DCUN1D5: variants seen among roughly 807,000 people sequenced by gnomAD.
DCUN1D5 encodes the protein DCN1-like protein 5.
DCUN1D5 carries 10 observed loss-of-function variants against 38.3 expected under a neutral mutation model. The observed-to-expected ratio is 0.26, with a 90% CI of 0.16 to 0.44. DCUN1D5 has a LOEUF of 0.44. Among genes scored for constraint, DCUN1D5 ranks in the 20% least tolerant of loss-of-function variants. DCUN1D5 has a pLI of 1.00. For missense variants in DCUN1D5, 148 were observed against 275.3 expected (o/e 0.54, Z 3.27); for synonymous variants, 93 against 90.9 (o/e 1.02, Z -0.13).
chr11:103,080,478 T>G (rs1047345691), intron 4 of DCUN1D5, among the ~76,000 whole-genome samples: 1 of 152,110 alleles, frequency 6.6e-6, no homozygotes, highest in African/African-American at 2.4e-5. Flanking sequence ...AAAAACACTT[T>G]GTATTTCACA....
At position 103,087,680 on chromosome 11, in the gene DCUN1D5, T is replaced by A. The variant is rs941662376; in HGVS notation, c.178+1547A>T. On this transcript the variant is annotated intron_variant, in intron 2 of 7. Coordinates refer to ENST00000260247, the MANE Select transcript of DCUN1D5 (RefSeq NM_032299.4). This position sits in a 1 kb window ranked among gnomAD's most constrained non-coding sequence, Gnocchi z 4.1. ...ATAAAGTCGTAGTGGGAGGTGGTGA[T>A]AATACTACCTACTTAATAGAACAGT... Among the ~76,000 whole-genome samples the A allele has an allele frequency of 3.9e-5, 6 of 152,152 alleles. No homozygotes were observed. Among genetic ancestry groups the A allele is most frequent in the Admixed American group, 2.6e-4 (4 of 15,266 alleles).
rs1861863755 is a variant in DCUN1D5 at position 103,055,959 on chromosome 11, GC to G, written c.*6399del. On this transcript the variant is annotated 3_prime_UTR_variant, in exon 8 of 8. Transcript: ENST00000260247. ...TCTGAGTCTTCGCCATCTTATTAAT[GC>G]CCACTTCATTCTTCAAGCCAAAAAC... Among the ~76,000 whole-genome samples, 1 of 152,046 alleles carries G rather than the reference GC, an allele frequency of 6.6e-6. No homozygotes were observed. The highest frequency in any genetic ancestry group is 1.5e-5 in the Non-Finnish European group (1 of 68,002).
intron 3 of DCUN1D5, 33 bp from the exon 4 acceptor site, chr11:103,082,872 AAGTC>A: frequency 6.6e-7 from 1 of 1,520,660 alleles, no homozygotes; most frequent in Non-Finnish European, 9.1e-7. Context: ...GATAGGGGAA[AAGTC>A]AGCATAGAGA....
At position 103,083,404 on chromosome 11, in the gene DCUN1D5, T is replaced by C; in HGVS notation, c.179-78A>G. 1 of 760,338 alleles carries C rather than the reference T, an allele frequency of 1.3e-6. No homozygotes were observed. Among genetic ancestry groups the C allele is most frequent in the Non-Finnish European group, 2.3e-6 (1 of 436,648 alleles). The allele number at this position is 760,338 out of a possible 1,614,324, so 47.1% of individuals were successfully genotyped here. A position where few individuals can be genotyped will look rare whatever the true frequency, so the allele number is the denominator to read the frequency against. ...TAAATCGTCATGCTAAAGGTACCCATGAACACACCATAATATTTTGCAAAT... is the reference window on the plus strand; with the variant it reads ...TAAATCGTCATGCTAAAGGTACCCACGAACACACCATAATATTTTGCAAAT... On this transcript the variant is annotated intron_variant, in intron 2 of 7. Coordinates refer to ENST00000260247, the MANE Select transcript of DCUN1D5 (RefSeq NM_032299.4). This position sits in a 1 kb window ranked among gnomAD's most constrained non-coding sequence, Gnocchi z 4.4.
At position 103,077,095 on chromosome 11, in the gene DCUN1D5, G is replaced by T. The variant is rs1862427972; in HGVS notation, c.341+5653C>A. Among the ~76,000 whole-genome samples the T allele has an allele frequency of 6.6e-6, 1 of 152,146 alleles. No homozygotes were observed. The highest frequency in any genetic ancestry group is 1.5e-5 in the Non-Finnish European group (1 of 68,022). ...GGTGCCTGTAGTCCCAGCTACTCAG[G>T]AGTCTGAAGCAGGGGAATGGCGTGA... On this transcript the variant is annotated intron_variant, in intron 4 of 7. Transcript: ENST00000260247. The surrounding 1 kb of genome is among the most constrained non-coding windows in gnomAD (Gnocchi z 4.3).
chr11:103,080,295 GTTTTATA>G (rs1862525220), intron 4 of DCUN1D5, among the ~76,000 whole-genome samples: 1 of 152,086 alleles, frequency 6.6e-6, no homozygotes, highest in African/African-American at 2.4e-5. Flanking sequence ...TGATAATAAA[GTTTTATA>G]TTTTAAGATT....
Position 103,071,351 on chromosome 11 carries a change from G to A in DCUN1D5, c.342-4784C>T, listed in dbSNP as rs907120887. Among the ~76,000 whole-genome samples, 1 of 151,826 alleles carries A rather than the reference G, an allele frequency of 6.6e-6. No homozygotes were observed. Among genetic ancestry groups the A allele is most frequent in the South Asian group, 2.1e-4 (1 of 4,824 alleles). On this transcript the variant is annotated intron_variant, in intron 4 of 7. Coordinates refer to ENST00000260247, the MANE Select transcript of DCUN1D5 (RefSeq NM_032299.4). This position sits in a 1 kb window ranked among gnomAD's most constrained non-coding sequence, Gnocchi z 4.1. ...AGGAATGAAATGGGGTATTATTACA[G>A]ACCCACAGCTATCAAAAGCATAGTA... is the stretch of plus-strand genomic sequence containing the variant.
At chr11:103,082,378 G>A (rs1054280918) in intron 4 of DCUN1D5, among the ~76,000 whole-genome samples, 10 of 152,032 alleles carry the variant, frequency 6.6e-5, no homozygotes, top group African/African-American at 2.4e-4. Context: ...GGAGGCCCTA[G>A]AGCTTAGGGC....
intron 2 of DCUN1D5, among the ~76,000 whole-genome samples, chr11:103,085,704 CT>C (rs1862688673): frequency 6.6e-6 from 1 of 152,194 alleles, no homozygotes; most frequent in South Asian, 2.1e-4. Context: ...AATACCATTG[CT>C]TCCAATCTTT....
rs923858047 is a variant in DCUN1D5, at chr11:103,066,162, A to G, written c.555+107T>C. The G allele has an allele frequency of 7.8e-6, 5 of 644,360 alleles. No homozygotes were observed. The highest frequency in any genetic ancestry group is 3.7e-5 in the Admixed American group (1 of 27,146). The allele number at this position is 644,360 out of a possible 1,614,324, so 39.9% of individuals were successfully genotyped here. On this transcript the variant is annotated intron_variant, in intron 6 of 7. Coordinates refer to ENST00000260247, the MANE Select transcript of DCUN1D5 (RefSeq NM_032299.4). This position sits in a 1 kb window ranked among gnomAD's most constrained non-coding sequence, Gnocchi z 4.7. The stretch of plus-strand genomic sequence containing the variant: ...GTACATATTTTAGAATTTTTTCTCT[A>G]AAGTTTTTTTAAAGCATACTATTAA...
At chr11:103,089,408 T>A in intron 1 of DCUN1D5, 90 bp from the exon 2 acceptor site, 2 of 1,139,964 alleles carry the variant, frequency 1.8e-6, no homozygotes, top group Non-Finnish European at 2.4e-6. Flanking sequence ...CCATTCACAT[T>A]AAACAAAGGT....
chr11:103,051,919 A>G lies in DCUN1D5; in HGVS notation c.*10440T>C, dbSNP rs1861749033. ...AAACACCAAAGTAGCCCCAGCCTTCATCGCGTCTCATCTGCTCTGAAAATC... is the reference window on the plus strand; with the variant it reads ...AAACACCAAAGTAGCCCCAGCCTTCGTCGCGTCTCATCTGCTCTGAAAATC... On this transcript the variant is annotated 3_prime_UTR_variant, in exon 8 of 8. Transcript: ENST00000260247. 1 of 152,190 alleles carries G rather than the reference A, an allele frequency of 6.6e-6. No individual in the cohort carries two copies. 9.4% of individuals were successfully genotyped at this position (152,190 alleles called of 1,614,324 possible).
chr11:103,082,260 C>T (rs1263340601), intron 4 of DCUN1D5, among the ~76,000 whole-genome samples: 2 of 152,044 alleles, frequency 1.3e-5, no homozygotes, highest in Non-Finnish European at 2.9e-5. Context: ...TACAACATTT[C>T]TACTTTTGTC....
chr11:103,075,089 G>A (rs1053973045), intron 4 of DCUN1D5, among the ~76,000 whole-genome samples: 1 of 152,156 alleles, frequency 6.6e-6, no homozygotes. Flanking sequence ...TCAGGTAGAA[G>A]CCCTTTACCT....
chr11:103,086,235 G>A lies in DCUN1D5; in HGVS notation c.179-2909C>T, dbSNP rs913319034. On this transcript the variant is annotated intron_variant, in intron 2 of 7. Coordinates refer to ENST00000260247, the MANE Select transcript of DCUN1D5 (RefSeq NM_032299.4). The surrounding 1 kb of genome is among the most constrained non-coding windows in gnomAD (Gnocchi z 4.1). Reference sequence around the variant, plus strand: ...CACCTTCAACATGAGCTACGTAAGAGTCATTAATTTTGGAACACTGTAAAA... The same window carrying A: ...CACCTTCAACATGAGCTACGTAAGAATCATTAATTTTGGAACACTGTAAAA... Among the ~76,000 whole-genome samples, 11 of 151,958 alleles carry A rather than the reference G, an allele frequency of 7.2e-5. No individual in the cohort carries two copies. The highest frequency in any genetic ancestry group is 2.7e-4 in the African/African-American group (11 of 41,346).
chr11:103,091,985 C>T lies in DCUN1D5; in HGVS notation c.-113G>A, dbSNP rs1862885346. The T allele has an allele frequency of 1.0e-6, 1 of 987,722 alleles. No homozygotes were observed. The allele number at this position is 987,722 out of a possible 1,614,324, so 61.2% of individuals were successfully genotyped here. A position where few individuals can be genotyped will look rare whatever the true frequency, so the allele number is the denominator to read the frequency against. On this transcript the variant is annotated 5_prime_UTR_variant, in exon 1 of 8. Coordinates refer to ENST00000260247, the MANE Select transcript of DCUN1D5 (RefSeq NM_032299.4). The surrounding 1 kb of genome is among the most constrained non-coding windows in gnomAD (Gnocchi z 4.3). ...CCAGAGACAGCAGCAAGCGGAGGAG[C>T]AGAGTCGCCAGCCCGCACCGGCGCG...
chr11:103,072,897 TGAA>T (rs1862316483), intron 4 of DCUN1D5, among the ~76,000 whole-genome samples: 1 of 151,974 alleles, frequency 6.6e-6, no homozygotes, highest in Non-Finnish European at 1.5e-5. Context: ...CCCTAGAACT[TGAA>T]GTATAATAAT....
At position 103,087,272 on chromosome 11, in the gene DCUN1D5, G is replaced by A. The variant is rs1184066695; in HGVS notation, c.178+1955C>T. On this transcript the variant is annotated intron_variant, in intron 2 of 7. Transcript: ENST00000260247. This position sits in a 1 kb window ranked among gnomAD's most constrained non-coding sequence, Gnocchi z 4.1. ...TGTGAGCTCCGCCTCCTGGGTTCACGCCATTCTCCTGCCCCAGCCTCCCAA... is the reference window on the plus strand; with the variant it reads ...TGTGAGCTCCGCCTCCTGGGTTCACACCATTCTCCTGCCCCAGCCTCCCAA... Among the ~76,000 whole-genome samples, 8 of 150,944 alleles carry A rather than the reference G, an allele frequency of 5.3e-5. No individual in the cohort carries two copies. Among genetic ancestry groups the A allele is most frequent in the Admixed American group, 4.0e-4 (6 of 15,090 alleles).
At chr11:103,089,142 C>A in intron 2 of DCUN1D5, 85 bp downstream of exon 2, 1 of 1,344,934 alleles carries the variant, frequency 7.4e-7, no homozygotes, top group Non-Finnish European at 1.0e-6. Flanking sequence ...CATAGCAGGC[C>A]TGTAACAGAT....
Sources: gnomAD v4.1 joint callset for allele counts (sites outside exome capture counted in the v4.1 genomes callset) on GRCh38, gnomAD v4.1.1 for gene constraint, Gnocchi (gnomAD v3.1) non-coding constraint, MANE v1.5 for transcripts, NCBI Gene and HGNC (gene_info 2026-07-23, HGNC 2026-07-21) for gene names.